VPS8: variants seen among roughly 807,000 people sequenced by gnomAD.
VPS8 encodes vacuolar protein sorting-associated protein 8 homolog.
A neutral mutation model predicts 216.4 loss-of-function variants in VPS8; 129 were observed. The observed-to-expected ratio is 0.60, with a 90% CI of 0.52 to 0.69. The LOEUF is 0.69. Among genes scored for constraint, VPS8 ranks in the 30% least tolerant of loss-of-function variants. VPS8 has a pLI of 0.00. For synonymous variants in VPS8, 571 were observed against 565.4 expected, an observed-to-expected ratio of 1.01 and a Z score of -0.14; for missense variants, 1,531 against 1,683.5, an observed-to-expected ratio of 0.91 and a Z score of 1.59.
intron 21 of VPS8, among the ~76,000 whole-genome samples, chr3:184,882,982 A>C (rs1730538502): frequency 6.6e-6 from 1 of 152,158 alleles, no homozygotes; most frequent in Non-Finnish European, 1.5e-5. Context: ...CAGGAAGATA[A>C]AACACCTTAA....
chr3:184,877,709 CCTGTA>C (rs1157086288), intron 21 of VPS8, among the ~76,000 whole-genome samples: 1 of 152,132 alleles, frequency 6.6e-6, no homozygotes, highest in Non-Finnish European at 1.5e-5. Context: ...GAGCCTCGAC[CCTGTA>C]CTGTACTATG....
intron 28 of VPS8, among the ~76,000 whole-genome samples, chr3:184,916,426 G>T (rs192550410): frequency 6.6e-6 from 1 of 152,008 alleles, no homozygotes; most frequent in Non-Finnish European, 1.5e-5. Flanking sequence ...AAGACAGGAC[G>T]GAAATACACC....
chr3:185,037,156 G>T (rs966529670), intron 46 of VPS8, among the ~76,000 whole-genome samples: 9 of 151,458 alleles, frequency 5.9e-5, no homozygotes, highest in African/African-American at 1.9e-4. Flanking sequence ...TATAAGTCAG[G>T]TCTGCCTATC....
intron 28 of VPS8, chr3:184,918,925 A>C (rs1484540633): frequency 6.6e-6 from 1 of 152,234 alleles, no homozygotes; most frequent in African/African-American, 2.4e-5. Flanking sequence ...TATACATCAG[A>C]ATAACTTCTA....
chr3:184,908,209 T>TAAA (rs1399210032), intron 25 of VPS8, among the ~76,000 whole-genome samples: 1 of 152,182 alleles, frequency 6.6e-6, no homozygotes, highest in Non-Finnish European at 1.5e-5. Flanking sequence ...ATGGAGCTTT[T>TAAA]AAGTAAGCTG....
At chr3:184,848,533 T>G (rs1242111972) in intron 8 of VPS8, among the ~76,000 whole-genome samples, 4 of 151,566 alleles carry the variant, frequency 2.6e-5, no homozygotes, top group South Asian at 2.1e-4. Flanking sequence ...TTTATTATGC[T>G]TCCTTGTAGA....
chr3:184,862,793 C>A, intron 15 of VPS8, 104 bp from the exon 16 acceptor site: 3 of 1,185,176 alleles, frequency 2.5e-6, no homozygotes, highest in Non-Finnish European at 3.6e-6. Context: ...TTAAATGGAT[C>A]AAGTCCTCAA....
intron 25 of VPS8, among the ~76,000 whole-genome samples, chr3:184,909,136 A>G (rs1736036526): frequency 6.6e-6 from 1 of 152,126 alleles, no homozygotes. Context: ...ACTGTGTTCC[A>G]CTTGTTTTCA....
At position 184,852,480 on chromosome 3, in the gene VPS8, TA is replaced by T. The variant is rs1335538357; in HGVS notation, c.754-17del. ...GACTGTTTAAAAATGTACAAGAAAA[TA>T]AATTCCTTCTCTGTTTAGTTTACAG... On this transcript the variant is annotated intron_variant, in intron 10 of 47. Transcript: ENST00000625842. 1.2e-6 allele frequency: 2 copies of T among 1,606,360 alleles called. No homozygotes were observed. The highest frequency in any genetic ancestry group is 2.7e-5 in the African/African-American group (2 of 74,406).
At chr3:184,857,461 C>G (rs931410953) in intron 14 of VPS8, among the ~76,000 whole-genome samples, 2 of 152,228 alleles carry the variant, frequency 1.3e-5, no homozygotes, top group Non-Finnish European at 2.9e-5. Context: ...TCATGTCCTT[C>G]AGTCTCTAGA....
In VPS8 at chr3:184,969,144, G is replaced by A. The variant is rs191462837; in HGVS notation, c.3316+2431G>A. 6.6e-3 allele frequency among the ~76,000 whole-genome samples: 998 copies of A among 152,162 alleles called. 8 individuals are homozygous for A. Among genetic ancestry groups the A allele is most frequent in the Non-Finnish European group, 0.01 (697 of 68,008 alleles). Reference sequence around the variant, plus strand: ...TTTTGTTTTTTTCTGGGGGGACGGCGTCTCGCTCTGTTGCCCAGGCTGGAG... The same window carrying A: ...TTTTGTTTTTTTCTGGGGGGACGGCATCTCGCTCTGTTGCCCAGGCTGGAG... On this transcript the variant is annotated intron_variant, in intron 39 of 47. Transcript: ENST00000625842.
intron 20 of VPS8, 128 bp downstream of exon 20, chr3:184,869,656 C>A: frequency 1.2e-6 from 1 of 807,012 alleles, no homozygotes; most frequent in Non-Finnish European, 1.9e-6. Context: ...AACACACACA[C>A]ACACAGACAC....
chr3:185,016,785 C>G (rs566616767), intron 45 of VPS8, among the ~76,000 whole-genome samples: 1 of 152,118 alleles, frequency 6.6e-6, no homozygotes, highest in Non-Finnish European at 1.5e-5. Flanking sequence ...AATGTTGGAG[C>G]TATGTGTCCG....
chr3:185,037,404 G>A (rs1321547907), intron 46 of VPS8, among the ~76,000 whole-genome samples: 1 of 152,036 alleles, frequency 6.6e-6, no homozygotes, highest in Non-Finnish European at 1.5e-5. Context: ...GCATTACATT[G>A]TTATGTACTT....
chr3:184,877,461 A>G (rs1729477067), intron 21 of VPS8, among the ~76,000 whole-genome samples: 1 of 152,240 alleles, frequency 6.6e-6, no homozygotes, highest in African/African-American at 2.4e-5. Context: ...GGTTTGAGCT[A>G]AGAACCAAAT....
At chr3:184,953,217 T>C (rs1266694473) in intron 36 of VPS8, among the ~76,000 whole-genome samples, 10 of 152,234 alleles carry the variant, frequency 6.6e-5, no homozygotes, top group Non-Finnish European at 1.3e-4. Context: ...TGGCAGTTCA[T>C]GCTTAAGACC....
At chr3:185,038,274 T>G (rs781474573) in intron 46 of VPS8, among the ~76,000 whole-genome samples, 6 of 152,254 alleles carry the variant, frequency 3.9e-5, no homozygotes, top group Admixed American at 6.5e-5. Flanking sequence ...TTGTTGTTTG[T>G]TTGTTTTTCT....
chr3:184,972,175 C>T (rs529631436), intron 40 of VPS8, among the ~76,000 whole-genome samples: 4 of 152,112 alleles, frequency 2.6e-5, no homozygotes, highest in South Asian at 2.1e-4. Flanking sequence ...GGATTTTAAT[C>T]ACTTCTTAGT....
chr3:185,003,121 TA>T (rs1350870665), intron 45 of VPS8, among the ~76,000 whole-genome samples: 100 of 43,702 alleles, frequency 2.3e-3, no homozygotes, highest in African/African-American at 4.6e-3. Flanking sequence ...AATATTTTTT[TA>T]TTTTTATTTT....
Sources: gnomAD v4.1 joint callset for allele counts (sites outside exome capture counted in the v4.1 genomes callset) on GRCh38, gnomAD v4.1.1 for gene constraint, MANE v1.5 for transcripts, NCBI Gene and HGNC (gene_info 2026-07-23, HGNC 2026-07-21) for gene names.